The following PARD3 variants were observed in gnomAD, a reference collection of about 807,000 sequenced individuals.
PARD3 encodes the protein par-3 family cell polarity regulator.
PARD3 carries 75 observed loss-of-function variants against 155.4 expected under a neutral mutation model. The observed-to-expected ratio is 0.48, with a 90% CI of 0.40 to 0.58. PARD3 has a LOEUF of 0.58. PARD3 is among the 20% of genes least tolerant of loss of function. The pLI is 0.00. For synonymous variants in PARD3, 576 were observed against 610.5 expected (o/e 0.94, Z 0.83); for missense variants, 1,642 against 1,721.7 (o/e 0.95, Z 0.82).
In PARD3 at chr10:34,179,277, A is replaced by AG. The variant is rs201037501; in HGVS notation, c.3420-47695dup. Among the ~76,000 whole-genome samples, 445 of 152,290 alleles carry AG rather than the reference A, an allele frequency of 2.9e-3. 2 individuals are homozygous for AG. Among genetic ancestry groups the AG allele is most frequent in the South Asian group, 0.023 (109 of 4,818 alleles). ...TAAGTGGAGGTATCTATAACTAGCA[A>AG]GGGGCTCTGGAAGGATAGCCCTCCA... On this transcript the variant is annotated intron_variant, in intron 22 of 24. Coordinates refer to ENST00000374788, the MANE Select transcript of PARD3 (RefSeq NM_001184785.2).
intron 5 of PARD3, among the ~76,000 whole-genome samples, chr10:34,402,766 A>T (rs1267708882): frequency 3.3e-5 from 5 of 152,178 alleles, no homozygotes; most frequent in African/African-American, 1.2e-4. Context: ...CAGCTTACAA[A>T]CCAATGATTA....
chr10:34,257,570 TG>T (rs1954722950), intron 22 of PARD3, among the ~76,000 whole-genome samples: 1 of 152,346 alleles, frequency 6.6e-6, no homozygotes, highest in African/African-American at 2.4e-5. Flanking sequence ...AAAAGTTCAG[TG>T]GTCTATGAAG....
At chr10:34,593,151 A>AG (rs1029380995) in intron 2 of PARD3, among the ~76,000 whole-genome samples, 5 of 152,240 alleles carry the variant, frequency 3.3e-5, no homozygotes, top group African/African-American at 7.2e-5. Flanking sequence ...AAAGTGATAA[A>AG]GGAGCTGTAA....
At chr10:34,719,667 C>T (rs2094573887) in intron 1 of PARD3, among the ~76,000 whole-genome samples, 1 of 152,200 alleles carries the variant, frequency 6.6e-6, no homozygotes, top group Admixed American at 6.5e-5. Flanking sequence ...AACCCTCAAA[C>T]CATGCCCCTC....
intron 2 of PARD3, among the ~76,000 whole-genome samples, chr10:34,689,377 G>T (rs963044804): frequency 6.6e-6 from 1 of 152,170 alleles, no homozygotes; most frequent in African/African-American, 2.4e-5. Context: ...GTGAGTCTAA[G>T]CTACTAATCA....
intron 22 of PARD3, among the ~76,000 whole-genome samples, chr10:34,164,703 T>C (rs1228586742): frequency 2.0e-5 from 3 of 152,356 alleles, no homozygotes; most frequent in African/African-American, 7.2e-5. Context: ...GCAGTTTTCC[T>C]GTGCAGAAAC....
At chr10:34,715,065 C>A (rs1410677803) in intron 1 of PARD3, among the ~76,000 whole-genome samples, 2 of 147,722 alleles carry the variant, frequency 1.4e-5, no homozygotes, top group Admixed American at 1.4e-4. Context: ...AGCCACCACA[C>A]CTAGCCTAAC....
chr10:34,385,674 A>G (rs1564654267), intron 7 of PARD3, among the ~76,000 whole-genome samples: 1 of 152,232 alleles, frequency 6.6e-6, no homozygotes, highest in Non-Finnish European at 1.5e-5. Flanking sequence ...GTTTTCCAGT[A>G]GAAATATACC....
At chr10:34,213,763 C>T (rs890364197) in intron 22 of PARD3, among the ~76,000 whole-genome samples, 6 of 152,144 alleles carry the variant, frequency 3.9e-5, no homozygotes, top group East Asian at 1.9e-4. Flanking sequence ...CAGGAGGTGA[C>T]GTGGGCAGTG....
chr10:34,707,922 C>T (rs758931601), intron 1 of PARD3, among the ~76,000 whole-genome samples: 12 of 152,150 alleles, frequency 7.9e-5, no homozygotes, highest in Non-Finnish European at 1.3e-4. Context: ...GTTTTAAAAG[C>T]CTGCCAGGAA....
intron 2 of PARD3, among the ~76,000 whole-genome samples, chr10:34,677,470 ACT>A (rs2093730526): frequency 1.3e-5 from 2 of 150,376 alleles, no homozygotes; most frequent in African/African-American, 2.4e-5. Flanking sequence ...ACAGATCTAG[ACT>A]CTGTCTCAAA....
At chr10:34,572,736 A>C (rs2086529138) in intron 2 of PARD3, among the ~76,000 whole-genome samples, 1 of 152,008 alleles carries the variant, frequency 6.6e-6, no homozygotes, top group African/African-American at 2.4e-5. Context: ...ATCAGCATCA[A>C]AACTAACGGG....
intron 2 of PARD3, among the ~76,000 whole-genome samples, chr10:34,624,044 T>C (rs2091852957): frequency 2.0e-5 from 3 of 151,880 alleles, no homozygotes. Context: ...AGGCACCAGC[T>C]GCCTGGTCTC....
At chr10:34,780,854 T>G (rs771675822) in intron 1 of PARD3, among the ~76,000 whole-genome samples, 1 of 152,182 alleles carries the variant, frequency 6.6e-6, no homozygotes, top group Non-Finnish European at 1.5e-5. Flanking sequence ...AATAAGGAAA[T>G]GCTGAAAACT....
At chr10:34,501,093 T>C (rs1416399357) in intron 3 of PARD3, among the ~76,000 whole-genome samples, 2 of 152,202 alleles carry the variant, frequency 1.3e-5, no homozygotes, top group Non-Finnish European at 2.9e-5. Flanking sequence ...TTGCCCCATA[T>C]GGCTCACCTA....
intron 22 of PARD3, among the ~76,000 whole-genome samples, chr10:34,228,094 T>C (rs1306190172): frequency 6.6e-6 from 1 of 151,480 alleles, no homozygotes; most frequent in Non-Finnish European, 1.5e-5. Context: ...TAAAAAGGAA[T>C]GAGATCCTGT....
chr10:34,637,748 T>G (rs1251601834), intron 2 of PARD3, among the ~76,000 whole-genome samples: 1 of 152,124 alleles, frequency 6.6e-6, no homozygotes, highest in Admixed American at 6.5e-5. Flanking sequence ...GCCGGCAGTT[T>G]GGAAAGCACC....
chr10:34,758,485 G>A (rs10508812), intron 1 of PARD3, among the ~76,000 whole-genome samples: 32,737 of 152,110 alleles, frequency 0.22, 4,690 homozygotes, highest in East Asian at 0.54. Flanking sequence ...TTGGAATGAA[G>A]GATATTAGGA....
intron 1 of PARD3, among the ~76,000 whole-genome samples, chr10:34,805,042 T>C (rs187417157): frequency 6.6e-6 from 1 of 152,266 alleles, no homozygotes; most frequent in Non-Finnish European, 1.5e-5. Flanking sequence ...TTTTCTAATC[T>C]AAAGGGATGC....
Sources: allele counts gnomAD v4.1 joint callset (sites outside exome capture counted in the v4.1 genomes callset), GRCh38; gene constraint gnomAD v4.1.1; transcripts MANE v1.5; gene names NCBI Gene and HGNC (gene_info 2026-07-23, HGNC 2026-07-21).